Variants in CDH12 observed in about 807,000 individuals in gnomAD.
The protein encoded by CDH12 is cadherin-12.
Under a neutral mutation model 74.1 loss-of-function variants are expected in CDH12, and 41 were observed. That is an observed-to-expected ratio of 0.55 (90% CI 0.43 to 0.72). The LOEUF is 0.72. Ranked by LOEUF, CDH12 falls within the 30% of genes least tolerant of loss-of-function variation. CDH12 has a pLI of 0.00. For missense variants in CDH12, 945 were observed against 977.2 expected, an observed-to-expected ratio of 0.97 and a Z score of 0.44; for synonymous variants, 399 against 355.0, an observed-to-expected ratio of 1.12 and a Z score of -1.39.
chr5:22,470,066 T>C (rs1216771919), intron 2 of CDH12, among the ~76,000 whole-genome samples: 33 of 152,196 alleles, frequency 2.2e-4, no homozygotes, highest in Non-Finnish European at 1.5e-5. Context: ...AAGTCAAAGA[T>C]GAAGAGCAGC....
At chr5:22,816,044 T>A (rs1017306545) in intron 1 of CDH12, among the ~76,000 whole-genome samples, 1 of 152,128 alleles carries the variant, frequency 6.6e-6, no homozygotes, top group Non-Finnish European at 1.5e-5. Context: ...CCATTATGAA[T>A]GCAGCGATTT....
intron 3 of CDH12, among the ~76,000 whole-genome samples, chr5:22,377,604 T>C (rs908833022): frequency 7.2e-5 from 11 of 152,208 alleles, no homozygotes; most frequent in African/African-American, 9.6e-5. Context: ...AACTCCCCTC[T>C]CTCTGACATT....
chr5:22,767,450 A>G lies in CDH12; in HGVS notation c.-523+85608T>C, dbSNP rs138656031. On this transcript the variant is annotated intron_variant, in intron 1 of 14. Coordinates refer to ENST00000382254, the MANE Select transcript of CDH12 (RefSeq NM_004061.5). ...ATTTTCAATTGAACTTGGAAAATAAACTAAAACATGATGCAACTATTGAGT... is the reference window on the plus strand; with the variant it reads ...ATTTTCAATTGAACTTGGAAAATAAGCTAAAACATGATGCAACTATTGAGT... 1.8e-4 allele frequency among the ~76,000 whole-genome samples: 27 copies of G among 152,192 alleles called. No individual in the cohort carries two copies. The East Asian group carries it at 4.3e-3, about 24-fold the overall frequency.
At chr5:21,882,656 C>T (rs528887733) in intron 6 of CDH12, 4 of 1,605,042 alleles carry the variant, frequency 2.5e-6, no homozygotes, top group Admixed American at 1.7e-5. Context: ...TCATCTCACT[C>T]GAGCTTATGC....
At chr5:22,065,997 C>G (rs1741529464) in intron 5 of CDH12, among the ~76,000 whole-genome samples, 2 of 152,064 alleles carry the variant, frequency 1.3e-5, no homozygotes, top group Admixed American at 1.3e-4. Context: ...TACACAAAGT[C>G]TAACCTGAAT....
chr5:22,532,041 C>A (rs539029410), intron 1 of CDH12, among the ~76,000 whole-genome samples: 5 of 152,046 alleles, frequency 3.3e-5, no homozygotes, highest in Non-Finnish European at 7.4e-5. Flanking sequence ...AAATCGATAT[C>A]TCAGGGGCTT....
At chr5:22,341,251 A>C (rs1468391441) in intron 3 of CDH12, among the ~76,000 whole-genome samples, 2 of 152,144 alleles carry the variant, frequency 1.3e-5, no homozygotes, top group Non-Finnish European at 2.9e-5. Flanking sequence ...TGTATAAGTG[A>C]GGTAGGAGAA....
intron 2 of CDH12, among the ~76,000 whole-genome samples, chr5:22,416,034 A>G (rs1340177366): frequency 6.6e-6 from 1 of 151,426 alleles, no homozygotes; most frequent in Non-Finnish European, 1.5e-5. Flanking sequence ...ATTGAAATAT[A>G]AAACAAGTGT....
chr5:21,996,500 G>A (rs1736309805), intron 5 of CDH12, among the ~76,000 whole-genome samples: 2 of 152,118 alleles, frequency 1.3e-5, no homozygotes, highest in African/African-American at 4.8e-5. Context: ...AATCAGGAAG[G>A]CTAAGTGATT....
intron 3 of CDH12, among the ~76,000 whole-genome samples, chr5:22,222,354 T>A (rs761826301): frequency 6.6e-6 from 1 of 151,940 alleles, no homozygotes; most frequent in Non-Finnish European, 1.5e-5. Flanking sequence ...TATCTTTATC[T>A]CATGGAATTA....
At chr5:21,983,072 G>A (rs1757379245) in intron 5 of CDH12, among the ~76,000 whole-genome samples, 1 of 151,848 alleles carries the variant, frequency 6.6e-6, no homozygotes, top group Non-Finnish European at 1.5e-5. Flanking sequence ...CTCCTGGTTT[G>A]GAAACACTTT....
intron 1 of CDH12, among the ~76,000 whole-genome samples, chr5:22,706,063 G>C (rs963498730): frequency 3.3e-5 from 5 of 151,884 alleles, no homozygotes; most frequent in Non-Finnish European, 7.4e-5. Context: ...TTGCACAATT[G>C]GTATCTCAAA....
chr5:22,336,630 T>A (rs976223820), intron 3 of CDH12, among the ~76,000 whole-genome samples: 10 of 152,200 alleles, frequency 6.6e-5, no homozygotes, highest in Non-Finnish European at 1.3e-4. Context: ...AGTTTCCACA[T>A]GGTGTTGAGC....
intron 1 of CDH12, among the ~76,000 whole-genome samples, chr5:22,689,404 A>C (rs557368902): frequency 7.2e-5 from 11 of 152,162 alleles, no homozygotes; most frequent in Non-Finnish European, 1.5e-4. Flanking sequence ...TACAAGGATG[A>C]CATATGTAGA....
chr5:22,622,780 C>T (rs576767995), intron 1 of CDH12, among the ~76,000 whole-genome samples: 9 of 152,214 alleles, frequency 5.9e-5, no homozygotes, highest in Admixed American at 2.6e-4. Flanking sequence ...GAAACTATTC[C>T]GATCAATAGA....
intron 1 of CDH12, among the ~76,000 whole-genome samples, chr5:22,798,289 G>C (rs1461894356): frequency 6.6e-6 from 1 of 152,040 alleles, no homozygotes; most frequent in Non-Finnish European, 1.5e-5. Flanking sequence ...TTGATAAAAT[G>C]TCATTGGTAA....
At chr5:22,544,878 C>T (rs1738248225) in intron 1 of CDH12, among the ~76,000 whole-genome samples, 1 of 151,868 alleles carries the variant, frequency 6.6e-6, no homozygotes, top group South Asian at 2.1e-4. Context: ...CCCATATAGT[C>T]ACCATCTGTG....
At chr5:22,150,135 A>G (rs1230554289) in intron 4 of CDH12, among the ~76,000 whole-genome samples, 1 of 152,134 alleles carries the variant, frequency 6.6e-6, no homozygotes, top group Non-Finnish European at 1.5e-5. Flanking sequence ...TCTATATTAC[A>G]TTTACATCGA....
intron 1 of CDH12, among the ~76,000 whole-genome samples, chr5:22,538,635 G>C (rs1274409856): frequency 6.6e-6 from 1 of 152,148 alleles, no homozygotes; most frequent in Non-Finnish European, 1.5e-5. Context: ...CACTAGCCCA[G>C]TTTAGTACTT....
Sources: gnomAD v4.1 joint callset for allele counts (sites outside exome capture counted in the v4.1 genomes callset) on GRCh38, gnomAD v4.1.1 for gene constraint, MANE v1.5 for transcripts, NCBI Gene and HGNC (gene_info 2026-07-23, HGNC 2026-07-21) for gene names.